Variants in PRLR observed in about 807,000 individuals in gnomAD.
PRLR encodes the protein prolactin receptor.
PRLR carries 13 observed loss-of-function variants against 40.2 expected under a neutral mutation model. That is an observed-to-expected ratio of 0.32 (90% CI 0.21 to 0.51). PRLR has a LOEUF of 0.51. PRLR is among the 20% of genes least tolerant of loss of function. The pLI is 0.97. For missense variants in PRLR, 656 were observed against 747.3 expected (o/e 0.88, Z 1.42); for synonymous variants, 269 against 278.7 (o/e 0.97, Z 0.35).
At chr5:35,197,317 A>G (rs1293548688) in intron 1 of PRLR, among the ~76,000 whole-genome samples, 2 of 152,210 alleles carry the variant, frequency 1.3e-5, no homozygotes, top group African/African-American at 4.8e-5. Context: ...GTCTGAAACT[A>G]TGATCGTTTT....
At chr5:35,083,442 C>CTG (rs1770646978) in intron 5 of PRLR, among the ~76,000 whole-genome samples, 1 of 136,050 alleles carries the variant, frequency 7.4e-6, no homozygotes, top group African/African-American at 3.5e-5. Context: ...CTCTCTTCCT[C>CTG]TCTCTCTGTG....
intron 1 of PRLR, among the ~76,000 whole-genome samples, chr5:35,208,461 T>C (rs1776079969): frequency 6.6e-6 from 1 of 152,214 alleles, no homozygotes; most frequent in Non-Finnish European, 1.5e-5. Context: ...CATTAAATTG[T>C]AATCTCTAAG....
In PRLR at chr5:35,069,939, T is replaced by A. The variant is rs557449867; in HGVS notation, c.685+185A>T. Among the ~76,000 whole-genome samples, 21 of 152,356 alleles carry A rather than the reference T, an allele frequency of 1.4e-4. No homozygotes were observed. The South Asian group carries it at 4.1e-3, about 30-fold the overall frequency. On this transcript the variant is annotated intron_variant, in intron 7 of 9. Transcript: ENST00000618457. ...GCCTTATCCTAAAATTGTTCTCCATTGACAGTAATCCAGGGTGCAATGCTG... is the reference window on the plus strand; with the variant it reads ...GCCTTATCCTAAAATTGTTCTCCATAGACAGTAATCCAGGGTGCAATGCTG...
At chr5:35,067,389 C>T (rs918099397) in intron 9 of PRLR, among the ~76,000 whole-genome samples, 2 of 152,114 alleles carry the variant, frequency 1.3e-5, no homozygotes, top group East Asian at 1.9e-4. Context: ...CAGGCCAATG[C>T]TACACTGGAT....
intron 1 of PRLR, chr5:35,135,378 TAC>T (rs1205844994): frequency 6.6e-6 from 1 of 152,302 alleles, no homozygotes; most frequent in African/African-American, 2.4e-5. Flanking sequence ...ACTCAGCGTG[TAC>T]GCGTTGGCTT....
intron 1 of PRLR, among the ~76,000 whole-genome samples, chr5:35,146,229 A>G (rs1242506415): frequency 3.3e-5 from 5 of 152,342 alleles, no homozygotes; most frequent in African/African-American, 1.2e-4. Flanking sequence ...GGGGGATATC[A>G]AAGAGAGTAT....
chr5:35,186,309 C>T (rs1226963634), intron 1 of PRLR, among the ~76,000 whole-genome samples: 1 of 152,040 alleles, frequency 6.6e-6, no homozygotes, highest in Non-Finnish European at 1.5e-5. Context: ...ACATTTGTAG[C>T]TTACATGCTA....
chr5:35,184,781 TG>T (rs1363804108), intron 1 of PRLR, among the ~76,000 whole-genome samples: 1 of 152,244 alleles, frequency 6.6e-6, no homozygotes, highest in Admixed American at 6.5e-5. Flanking sequence ...GCATTTTACA[TG>T]TGTTTATGCA....
intron 1 of PRLR, among the ~76,000 whole-genome samples, chr5:35,132,613 A>C (rs1356181967): frequency 6.6e-6 from 1 of 152,234 alleles, no homozygotes; most frequent in Non-Finnish European, 1.5e-5. Flanking sequence ...AAAATAGGAA[A>C]CACATTGGTG....
At chr5:35,218,927 T>C (rs1423377395) in intron 1 of PRLR, among the ~76,000 whole-genome samples, 2 of 152,180 alleles carry the variant, frequency 1.3e-5, no homozygotes, top group Admixed American at 6.5e-5. Context: ...ACAGAAACTA[T>C]GAATAGTAGG....
At chr5:35,130,826 C>T (rs1029858302) in intron 1 of PRLR, among the ~76,000 whole-genome samples, 26 of 152,150 alleles carry the variant, frequency 1.7e-4, no homozygotes, top group South Asian at 1.5e-3. Flanking sequence ...TCCAATAGGA[C>T]GGATGTTTTT....
chr5:35,074,529 A>ATATAT (rs1769950353), intron 5 of PRLR, among the ~76,000 whole-genome samples: 1 of 145,944 alleles, frequency 6.9e-6, no homozygotes, highest in African/African-American at 2.7e-5. Context: ...ATATATATGA[A>ATATAT]ATATCCAGAC....
intron 1 of PRLR, among the ~76,000 whole-genome samples, chr5:35,180,886 C>G (rs1416294244): frequency 1.3e-5 from 2 of 152,080 alleles, no homozygotes; most frequent in Non-Finnish European, 2.9e-5. Flanking sequence ...GCTTCATCCA[C>G]CTCTTTTTTT....
intron 1 of PRLR, among the ~76,000 whole-genome samples, chr5:35,186,017 C>T (rs374408674): frequency 1.4e-4 from 21 of 152,238 alleles, no homozygotes; most frequent in East Asian, 1.2e-3. Flanking sequence ...AGGAGACAGT[C>T]GCCATATATG....
At chr5:35,141,444 T>C (rs1194026918) in intron 1 of PRLR, among the ~76,000 whole-genome samples, 1 of 152,084 alleles carries the variant, frequency 6.6e-6, no homozygotes, top group Non-Finnish European at 1.5e-5. Context: ...ACCACAGACA[T>C]AATTTTGTTC....
intron 1 of PRLR, among the ~76,000 whole-genome samples, chr5:35,125,296 T>A (rs755593601): frequency 6.6e-5 from 10 of 152,196 alleles, no homozygotes; most frequent in Admixed American, 3.9e-4. Context: ...GACATGGGGA[T>A]GAGGTGGCCA....
chr5:35,110,832 C>G (rs768239904), intron 2 of PRLR, among the ~76,000 whole-genome samples: 1 of 152,204 alleles, frequency 6.6e-6, no homozygotes, highest in Non-Finnish European at 1.5e-5. Context: ...TGTCCCCCAA[C>G]AGAAAGCTGG....
At chr5:35,109,421 C>A (rs558910984) in intron 2 of PRLR, among the ~76,000 whole-genome samples, 1 of 152,056 alleles carries the variant, frequency 6.6e-6, no homozygotes, top group Non-Finnish European at 1.5e-5. Context: ...ACCATCAGAG[C>A]GAACTGGCAA....
chr5:35,194,736 TAAAAAGATCAGC>T (rs1775690956), intron 1 of PRLR, among the ~76,000 whole-genome samples: 1 of 152,102 alleles, frequency 6.6e-6, no homozygotes, highest in Non-Finnish European at 1.5e-5. Flanking sequence ...ATAGAGACAG[TAAAAAGATCAGC>T]AGTTGTCAGA....
Sources: allele counts gnomAD v4.1 joint callset (sites outside exome capture counted in the v4.1 genomes callset), GRCh38; gene constraint gnomAD v4.1.1; transcripts MANE v1.5; gene names NCBI Gene and HGNC (gene_info 2026-07-23, HGNC 2026-07-21).